Variants in SFMBT2 observed in about 807,000 individuals in gnomAD.
SFMBT2 encodes the protein scm-like with four MBT domains protein 2.
Under a neutral mutation model 110.1 loss-of-function variants are expected in SFMBT2, and 38 were observed. The observed-to-expected ratio is 0.35, with a 90% CI of 0.27 to 0.45. The LOEUF (loss-of-function observed/expected upper bound fraction) is 0.45, where lower values mean the gene tolerates loss of function less well. SFMBT2 is among the 20% of genes least tolerant of loss of function. The pLI is 1.00. For synonymous variants in SFMBT2, 425 were observed against 425.4 expected (o/e 1.00, Z 0.01); for missense variants, 1,011 against 1,094.9 (o/e 0.92, Z 1.08).
At chr10:7,340,595 G>A (rs1167237563) in intron 4 of SFMBT2, among the ~76,000 whole-genome samples, 2 of 148,916 alleles carry the variant, frequency 1.3e-5, no homozygotes, top group Non-Finnish European at 3.0e-5. Flanking sequence ...GGAGGCTGCA[G>A]TGAGCCATGA....
rs557307226 is a variant in SFMBT2 at position 7,382,178 on chromosome 10, G to A, written c.-51-229C>T. Among the ~76,000 whole-genome samples the A allele has an allele frequency of 9.8e-4, 149 of 152,262 alleles. 1 individual carries two copies. Among genetic ancestry groups the A allele is most frequent in the Admixed American group, 9.7e-3 (149 of 15,296 alleles). ...TAATCCTAGCACTTTGGGAGACCGA[G>A]GTGGGTGGATCACTTGAGGTCAGGA... On this transcript the variant is annotated intron_variant, in intron 1 of 20. Coordinates refer to ENST00000397167, the MANE Select transcript of SFMBT2 (RefSeq NM_001387889.1).
chr10:7,186,692 A>G (rs1838423183), intron 16 of SFMBT2, among the ~76,000 whole-genome samples: 1 of 152,150 alleles, frequency 6.6e-6, no homozygotes, highest in South Asian at 2.1e-4. Context: ...TTTCAGCTAA[A>G]TGGGAAGATG....
chr10:7,392,748 T>G (rs976736509), intron 1 of SFMBT2, among the ~76,000 whole-genome samples: 14 of 151,942 alleles, frequency 9.2e-5, no homozygotes, highest in African/African-American at 3.4e-4. Flanking sequence ...TCTATCAATT[T>G]GCTTTATTTC....
intron 12 of SFMBT2, chr10:7,205,030 T>A: frequency 1.6e-6 from 1 of 618,460 alleles, no homozygotes; most frequent in Non-Finnish European, 2.0e-6. Context: ...CTTTATAAAG[T>A]ACAGTTGAAA....
chr10:7,274,922 G>C (rs982168804), intron 7 of SFMBT2, among the ~76,000 whole-genome samples: 5 of 152,014 alleles, frequency 3.3e-5, no homozygotes, highest in African/African-American at 1.2e-4. Flanking sequence ...GAAAAGCAAA[G>C]CCAGTGTGGT....
chr10:7,321,201 CTTT>C (rs542174351), intron 4 of SFMBT2, among the ~76,000 whole-genome samples: 2 of 130,450 alleles, frequency 1.5e-5, no homozygotes, highest in Admixed American at 7.8e-5. Context: ...TATGAGCATC[CTTT>C]TTTTTTTTTT....
chr10:7,382,964 C>G (rs1035114714), intron 1 of SFMBT2, among the ~76,000 whole-genome samples: 2 of 152,214 alleles, frequency 1.3e-5, no homozygotes, highest in African/African-American at 2.4e-5. Flanking sequence ...GCAGCCATAC[C>G]TGGCTCCGAT....
intron 16 of SFMBT2, 59 bp from the exon 17 acceptor site, chr10:7,176,224 T>C (rs1838051285): frequency 1.3e-6 from 2 of 1,540,686 alleles, no homozygotes; most frequent in Non-Finnish European, 1.8e-6. Flanking sequence ...TCAGGCCTAT[T>C]CTGTACCACA....
chr10:7,319,764 G>C (rs1843117195), intron 4 of SFMBT2, among the ~76,000 whole-genome samples: 1 of 151,188 alleles, frequency 6.6e-6, no homozygotes, highest in African/African-American at 2.4e-5. Flanking sequence ...GAGAGACAGA[G>C]AGAGACACAG....
intron 11 of SFMBT2, 35 bp from the exon 12 acceptor site, chr10:7,205,963 C>T: frequency 6.2e-7 from 1 of 1,609,852 alleles, no homozygotes; most frequent in African/African-American, 1.3e-5. Flanking sequence ...GAGGTACAAA[C>T]AGATCTTACC....
At chr10:7,359,041 C>T (rs11255086) in intron 4 of SFMBT2, among the ~76,000 whole-genome samples, 3 of 152,096 alleles carry the variant, frequency 2.0e-5, no homozygotes, top group African/African-American at 4.8e-5. Flanking sequence ...AACTAGAGGA[C>T]GGTCAGTGGC....
chr10:7,322,631 A>G (rs1185752906), intron 4 of SFMBT2, among the ~76,000 whole-genome samples: 1 of 151,908 alleles, frequency 6.6e-6, no homozygotes, highest in Non-Finnish European at 1.5e-5. Flanking sequence ...ACACACACAC[A>G]TACACAGCAC....
At chr10:7,180,737 G>C (rs1024863857) in intron 16 of SFMBT2, among the ~76,000 whole-genome samples, 1 of 151,924 alleles carries the variant, frequency 6.6e-6, no homozygotes, top group Non-Finnish European at 1.5e-5. Flanking sequence ...CGGGAGGGAC[G>C]CAGGGGGGAG....
intron 12 of SFMBT2, chr10:7,204,050 G>T (rs745883087): frequency 8.2e-6 from 2 of 243,704 alleles, no homozygotes; most frequent in Non-Finnish European, 1.3e-5. Context: ...CAGGGGAAAA[G>T]AATGTCCCTG....
intron 4 of SFMBT2, among the ~76,000 whole-genome samples, chr10:7,300,288 T>A (rs1842522315): frequency 6.8e-6 from 1 of 146,124 alleles, no homozygotes; most frequent in South Asian, 2.1e-4. Context: ...GTATCCAGCT[T>A]TTTTTTTTTT....
At chr10:7,324,997 T>C (rs1484223915) in intron 4 of SFMBT2, among the ~76,000 whole-genome samples, 2 of 132,512 alleles carry the variant, frequency 1.5e-5, no homozygotes, top group Non-Finnish European at 3.1e-5. Flanking sequence ...AGACGGAGTC[T>C]CGCTCTGTTG....
chr10:7,348,400 T>TG (rs1238160168), intron 4 of SFMBT2: 30 of 1,337,238 alleles, frequency 2.2e-5, no homozygotes, highest in Middle Eastern at 1.9e-4. Context: ...TGATGGGCTT[T>TG]GGGGGGCTCT....
intron 9 of SFMBT2, among the ~76,000 whole-genome samples, chr10:7,229,727 G>GTTT (rs374010287): frequency 6.9e-6 from 1 of 145,652 alleles, no homozygotes. Context: ...TGTTGTTGTT[G>GTTT]TTTTTTTTTT....
At position 7,181,103 on chromosome 10, in the gene SFMBT2, G is replaced by A. The variant is rs181878916; in HGVS notation, c.1809-4938C>T. Among the ~76,000 whole-genome samples the A allele has an allele frequency of 3.9e-3, 590 of 152,190 alleles. 8 individuals carry two copies. The highest frequency in any genetic ancestry group is 0.014 in the African/African-American group (564 of 41,514). On this transcript the variant is annotated intron_variant, in intron 16 of 20. Transcript: ENST00000397167. ...AAAATACAAAAAACAGCTGGGCATG[G>A]TGGTGCACGCCTGTAGTCTCAGCTA...
Sources: allele counts gnomAD v4.1 joint callset (sites outside exome capture counted in the v4.1 genomes callset), GRCh38; gene constraint gnomAD v4.1.1; transcripts MANE v1.5; gene names NCBI Gene and HGNC (gene_info 2026-07-23, HGNC 2026-07-21).